Variants in PHF24 observed in about 807,000 individuals in gnomAD.
PHF24 encodes PHD finger protein 24, also known as Galpha inhibitory interacting protein.
A neutral mutation model predicts 42.6 loss-of-function variants in PHF24; 25 were observed. The observed-to-expected ratio is 0.59, with a 90% confidence interval of 0.43 to 0.82. The LOEUF is 0.82. Among genes scored for constraint, PHF24 ranks in the 40% least tolerant of loss-of-function variants. The probability of loss-of-function intolerance (pLI) is 0.00; values close to 1 mark genes in which losing one functional copy is unlikely to be tolerated. For synonymous variants in PHF24, 185 were observed against 204.8 expected (o/e 0.90, Z 0.83); for missense variants, 470 against 538.1 (o/e 0.87, Z 1.25).
At chr9:34,849,681 A>G in the PHF24 span, among the ~76,000 whole-genome samples, 2 of 152,164 alleles carry the variant, frequency 1.3e-5, no homozygotes, top group Non-Finnish European at 2.9e-5. Context: ...TAGTTGATGC[A>G]GTTTCTTCCT....
chr9:34,910,307 T>TC, the PHF24 span, among the ~76,000 whole-genome samples: 1 of 152,286 alleles, frequency 6.6e-6, no homozygotes, highest in South Asian at 2.1e-4. Context: ...CCTCCTTTTT[T>TC]CCCCTCTCTT....
At chr9:34,882,969 C>T in the PHF24 span, among the ~76,000 whole-genome samples, 2 of 152,178 alleles carry the variant, frequency 1.3e-5, no homozygotes, top group African/African-American at 4.8e-5. Context: ...AACTATACTA[C>T]AAGGCTACAG....
At chr9:34,779,066 A>G in the PHF24 span, among the ~76,000 whole-genome samples, 18 of 152,304 alleles carry the variant, frequency 1.2e-4, no homozygotes, top group Non-Finnish European at 2.5e-4. Flanking sequence ...TGAGGTAAAG[A>G]TAACTACCAA....
At chr9:34,710,324 C>A in the PHF24 span, among the ~76,000 whole-genome samples, 9 of 152,178 alleles carry the variant, frequency 5.9e-5, no homozygotes, top group Non-Finnish European at 1.2e-4. Context: ...TGGGCCTGAG[C>A]CTTCCTTCTA....
chr9:34,720,963 G>A, the PHF24 span, among the ~76,000 whole-genome samples: 1 of 152,090 alleles, frequency 6.6e-6, no homozygotes, highest in Non-Finnish European at 1.5e-5. Flanking sequence ...TTCTCCATAC[G>A]GTTCCCCCTT....
At chr9:34,920,466 A>T in the PHF24 span, among the ~76,000 whole-genome samples, 11 of 152,128 alleles carry the variant, frequency 7.2e-5, no homozygotes, top group African/African-American at 2.6e-4. Flanking sequence ...TTTTGCTCAG[A>T]TGGCTTTAGT....
the PHF24 span, among the ~76,000 whole-genome samples, chr9:34,941,123 C>T: frequency 1.3e-5 from 2 of 152,244 alleles, no homozygotes; most frequent in Admixed American, 6.5e-5. Flanking sequence ...TGCTTGTACC[C>T]TTGGTTCCTA....
the PHF24 span, among the ~76,000 whole-genome samples, chr9:34,799,646 G>A: frequency 5.3e-5 from 8 of 152,028 alleles, no homozygotes; most frequent in Non-Finnish European, 1.0e-4. Flanking sequence ...TTTTTCCCAG[G>A]TGATTTTTCC....
chr9:34,838,353 G>T, the PHF24 span: 1 of 814,042 alleles, frequency 1.2e-6, no homozygotes, highest in Non-Finnish European at 2.1e-6. Context: ...GCCCTACCCA[G>T]CAGCAGCTCC....
At chr9:34,787,560 G>A in the PHF24 span, among the ~76,000 whole-genome samples, 1 of 152,160 alleles carries the variant, frequency 6.6e-6, no homozygotes, top group African/African-American at 2.4e-5. Flanking sequence ...CTAAGAGAAA[G>A]AAAAGTGTAA....
At chr9:34,936,104 T>A in the PHF24 span, among the ~76,000 whole-genome samples, 13 of 148,816 alleles carry the variant, frequency 8.7e-5, no homozygotes, top group African/African-American at 3.0e-4. Flanking sequence ...TTCCACGGTC[T>A]CCCTCTGATG....
chr9:34,762,966 A>G, the PHF24 span, among the ~76,000 whole-genome samples: 1 of 152,070 alleles, frequency 6.6e-6, no homozygotes, highest in Non-Finnish European at 1.5e-5. Flanking sequence ...TCCTTTCCCC[A>G]TTGCTTGTTT....
exon 8 of PHF24, chr9:34,978,932 A>T (rs1012581631): frequency 6.6e-6 from 1 of 152,044 alleles, no homozygotes; most frequent in Non-Finnish European, 1.5e-5. Flanking sequence ...TCTTGGCCCC[A>T]TTTTTCAGAT....
At chr9:34,665,924 A>T in the PHF24 span, 1 of 534,996 alleles carries the variant, frequency 1.9e-6, no homozygotes, top group Non-Finnish European at 3.3e-6. Context: ...TTTGGCGGTC[A>T]TGGGGCTGGG....
the PHF24 span, among the ~76,000 whole-genome samples, chr9:34,763,714 G>T: frequency 9.2e-5 from 14 of 152,000 alleles, no homozygotes; most frequent in South Asian, 2.1e-4. Context: ...AATTGCCCTG[G>T]CCAGAACTTC....
chr9:34,671,290 T>C, the PHF24 span, among the ~76,000 whole-genome samples: 1 of 152,198 alleles, frequency 6.6e-6, no homozygotes, highest in Non-Finnish European at 1.5e-5. Context: ...TGTGTACTGG[T>C]TGCCAATTTG....
At chr9:34,879,120 C>T in the PHF24 span, among the ~76,000 whole-genome samples, 1 of 152,188 alleles carries the variant, frequency 6.6e-6, no homozygotes, top group African/African-American at 2.4e-5. Context: ...CTCCAGCAAA[C>T]TCCAACAGAC....
the PHF24 span, among the ~76,000 whole-genome samples, chr9:34,727,519 A>G: frequency 6.6e-6 from 1 of 152,150 alleles, no homozygotes; most frequent in East Asian, 1.9e-4. Context: ...TCTTAAGGAG[A>G]GGATAATATA....
At chr9:34,709,896 G>A in the PHF24 span, 1 of 1,614,190 alleles carries the variant, frequency 6.2e-7, no homozygotes, top group Non-Finnish European at 8.5e-7. Flanking sequence ...CTCCATCACT[G>A]CCTGCAGGGT....
Sources: allele counts gnomAD v4.1 joint callset (sites outside exome capture counted in the v4.1 genomes callset), GRCh38; gene constraint gnomAD v4.1.1; transcripts MANE v1.5; gene names NCBI Gene and HGNC (gene_info 2026-07-23, HGNC 2026-07-21).